Variants in TCAIM observed in about 807,000 individuals in gnomAD.
TCAIM encodes T-cell activation inhibitor, mitochondrial.
A neutral mutation model predicts 58.6 loss-of-function variants in TCAIM; 36 were observed. The ratio of observed to expected loss-of-function variants is 0.61; its 90% confidence interval spans 0.47 to 0.81. The LOEUF is 0.81. TCAIM is among the 30% of genes least tolerant of loss of function. The pLI, the probability that TCAIM is intolerant of heterozygous loss-of-function variation, is 0.00. For missense variants in TCAIM, 466 were observed against 579.6 expected, an observed-to-expected ratio of 0.80 and a Z score of 2.01; for synonymous variants, 172 against 193.6, an observed-to-expected ratio of 0.89 and a Z score of 0.93.
At chr3:44,359,297 C>T (rs1472981250) in intron 3 of TCAIM, 3 of 160,410 alleles carry the variant, frequency 1.9e-5, no homozygotes, top group Non-Finnish European at 4.0e-5. Flanking sequence ...AAACCTTGCA[C>T]ATTCCAAAGA....
intron 10 of TCAIM, among the ~76,000 whole-genome samples, chr3:44,404,905 G>A (rs1384166376): frequency 6.6e-6 from 1 of 151,856 alleles, no homozygotes; most frequent in Non-Finnish European, 1.5e-5. Context: ...AGGAGCCAGA[G>A]GCCACCCATG....
chr3:44,401,303 C>G lies in TCAIM; in HGVS notation c.1219C>G (p.Gln407Glu). ...GTGGTTTATTCTCACCAAAGCTCAG[C>G]AGGCAAGAGAGAACATGAAAAGAAA... is the stretch of plus-strand genomic sequence containing the variant. ...LQWFILTKAQ[Q>E]ARENMKRKEE... Residue 407 changes from glutamine (Q) to glutamate (E), a missense_variant, in exon 10 of 11, where the codon CAG becomes GAG. Physicochemically the swap from Gln to Glu is conservative, Grantham distance 29 (BLOSUM62 2). Transcript: ENST00000342649. 1 of 1,613,952 alleles carries G rather than the reference C, an allele frequency of 6.2e-7. No homozygotes were observed. Among genetic ancestry groups the G allele is most frequent in the South Asian group, 1.1e-5 (1 of 91,078 alleles).
intron 6 of TCAIM, among the ~76,000 whole-genome samples, chr3:44,395,238 A>G (rs1297341130): frequency 1.3e-5 from 2 of 152,032 alleles, no homozygotes; most frequent in Non-Finnish European, 2.9e-5. Flanking sequence ...ATTATATTTT[A>G]CTTTTTAAAT....
At chr3:44,400,211 T>G (rs1701999870) in intron 8 of TCAIM, 144 bp from the exon 9 acceptor site, 1 of 648,482 alleles carries the variant, frequency 1.5e-6, no homozygotes, top group South Asian at 2.2e-5. Flanking sequence ...TTACATTAAG[T>G]TTTTTTATCT....
chr3:44,378,373 C>G (rs1701599886), intron 5 of TCAIM, among the ~76,000 whole-genome samples: 1 of 151,942 alleles, frequency 6.6e-6, no homozygotes, highest in African/African-American at 2.4e-5. Flanking sequence ...GAGTGAGACT[C>G]TGTCCCCAAC....
intron 8 of TCAIM, 118 bp downstream of exon 8, chr3:44,396,952 A>G (rs192739520): frequency 3.2e-6 from 3 of 926,442 alleles, no homozygotes; most frequent in Non-Finnish European, 4.8e-6. Flanking sequence ...TTGTTTTTTA[A>G]TGTTTTTAAT....
intron 5 of TCAIM, among the ~76,000 whole-genome samples, chr3:44,374,494 A>G (rs73090441): frequency 0.18 from 27,925 of 152,110 alleles, 2,790 homozygotes; most frequent in Middle Eastern, 0.29. Flanking sequence ...AGTGGCTTCT[A>G]ACTATAATCC....
At chr3:44,364,609 G>A (rs1701344535) in intron 4 of TCAIM, among the ~76,000 whole-genome samples, 2 of 151,890 alleles carry the variant, frequency 1.3e-5, no homozygotes, top group African/African-American at 4.8e-5. Flanking sequence ...AGGCGTGGTG[G>A]CATGTGCCTG....
chr3:44,361,259 C>G, intron 3 of TCAIM, 106 bp from the exon 4 acceptor site: 1 of 970,598 alleles, frequency 1.0e-6, no homozygotes, highest in Non-Finnish European at 1.4e-6. Flanking sequence ...TTTTTAAATA[C>G]TAAATTATTT....
intron 10 of TCAIM, among the ~76,000 whole-genome samples, chr3:44,402,265 T>G (rs1702032783): frequency 6.6e-6 from 1 of 150,612 alleles, no homozygotes; most frequent in Non-Finnish European, 1.5e-5. Context: ...AAAAAAAAAT[T>G]AGCCAGGCAT....
At position 44,396,413 on chromosome 3, in the gene TCAIM, TG is replaced by T; in HGVS notation, c.713del (p.Gly238AlafsTer12). 3 of 1,613,286 alleles carry T rather than the reference TG, an allele frequency of 1.9e-6. No individual in the cohort carries two copies. Among genetic ancestry groups the T allele is most frequent in the Non-Finnish European group, 2.5e-6 (3 of 1,179,728 alleles). On this transcript the variant is annotated frameshift_variant, in exon 7 of 11. Coordinates refer to ENST00000342649, the MANE Select transcript of TCAIM (RefSeq NM_173826.4). LOFTEE classifies it high-confidence loss of function. ...QLSDIRWQRS[W>X]GIAHRCSQLH... Reference sequence around the variant, plus strand: ...CTGTTGGCCTAGGTGGCAGAGGAGCTGGGGCATCGCCCACCGCTGTAGCCAG... The same window carrying T: ...CTGTTGGCCTAGGTGGCAGAGGAGCTGGGCATCGCCCACCGCTGTAGCCAG...
At position 44,367,619 on chromosome 3, in the gene TCAIM, C is replaced by G. The variant is rs1279607109; in HGVS notation, c.483C>G (p.Ile161Met). The G allele has an allele frequency of 6.2e-7, 1 of 1,614,094 alleles. No individual in the cohort carries two copies. Among genetic ancestry groups the G allele is most frequent in the East Asian group, 2.2e-5 (1 of 44,848 alleles). The change falls in exon 5 of 11, where the codon ATC (isoleucine) becomes ATG (methionine). Residue 161 changes from isoleucine to methionine, a missense_variant. By Grantham distance (10) the Ile-to-Met change is conservative. Coordinates refer to ENST00000342649, the MANE Select transcript of TCAIM (RefSeq NM_173826.4). The part of the protein sequence containing the change: ...KEAKRMPDRP[I>M]KWDKSYYSFT... ...CTAAAAGGATGCCTGACAGGCCCAT[C>G]AAATGGGACAAGTCTTATTACTCCT...
intron 8 of TCAIM, among the ~76,000 whole-genome samples, chr3:44,398,419 G>A (rs1207385907): frequency 1.4e-5 from 2 of 144,356 alleles, no homozygotes; most frequent in Non-Finnish European, 3.1e-5. Context: ...AACACAGCGA[G>A]ACTGTGTCTC....
chr3:44,384,816 A>G (rs1260898816), intron 5 of TCAIM, among the ~76,000 whole-genome samples: 1 of 152,194 alleles, frequency 6.6e-6, no homozygotes, highest in African/African-American at 2.4e-5. Context: ...CAACTTTACC[A>G]AAGGCTTTGG....
intron 4 of TCAIM, among the ~76,000 whole-genome samples, chr3:44,365,469 C>T (rs1322943897): frequency 6.6e-6 from 1 of 152,046 alleles, no homozygotes. Flanking sequence ...GCTGGGATTA[C>T]AGGAGTGCAC....
chr3:44,380,126 G>A (rs1380583722), intron 5 of TCAIM, among the ~76,000 whole-genome samples: 1 of 152,120 alleles, frequency 6.6e-6, no homozygotes, highest in Non-Finnish European at 1.5e-5. Flanking sequence ...AGAAAAAGGA[G>A]GGGAAAATTT....
At chr3:44,353,341 G>GT (rs1188178438) in intron 1 of TCAIM, among the ~76,000 whole-genome samples, 1 of 152,184 alleles carries the variant, frequency 6.6e-6, no homozygotes, top group Non-Finnish European at 1.5e-5. Flanking sequence ...GGACATCGTG[G>GT]TTGCTTCCAA....
At chr3:44,373,653 G>GA (rs1026620068) in intron 5 of TCAIM, among the ~76,000 whole-genome samples, 3 of 151,780 alleles carry the variant, frequency 2.0e-5, no homozygotes, top group Admixed American at 6.6e-5. Flanking sequence ...GACTCTGTCT[G>GA]AAAAAAAGAG....
At chr3:44,388,200 T>C (rs1000496480) in intron 5 of TCAIM, among the ~76,000 whole-genome samples, 35 of 152,292 alleles carry the variant, frequency 2.3e-4, no homozygotes, top group Admixed American at 5.9e-4. Flanking sequence ...TTAACACTTA[T>C]GACAATACTA....
Sources: allele counts gnomAD v4.1 joint callset (sites outside exome capture counted in the v4.1 genomes callset), GRCh38; gene constraint gnomAD v4.1.1; transcripts MANE v1.5; gene names NCBI Gene and HGNC (gene_info 2026-07-23, HGNC 2026-07-21).